The following KCNMB2 variants were observed in gnomAD, a reference collection of about 807,000 sequenced individuals.
KCNMB2 encodes the protein calcium-activated potassium channel subunit beta-2.
Under a neutral mutation model 24.5 loss-of-function variants are expected in KCNMB2, and 9 were observed. The ratio of observed to expected loss-of-function variants is 0.37; its 90% CI spans 0.22 to 0.64. The LOEUF (loss-of-function observed/expected upper bound fraction) is 0.64, where lower values mean the gene tolerates loss of function less well. Ranked by LOEUF, KCNMB2 falls within the 30% of genes least tolerant of loss-of-function variation. The probability of loss-of-function intolerance (pLI) is 0.63; values close to 1 mark genes in which losing one functional copy is unlikely to be tolerated. For missense variants in KCNMB2, 226 were observed against 284.3 expected (o/e 0.79, Z 1.47); for synonymous variants, 109 against 104.4 (o/e 1.04, Z -0.27).
intron 2 of KCNMB2, among the ~76,000 whole-genome samples, chr3:178,808,445 A>T (rs1468894256): frequency 2.0e-5 from 3 of 152,210 alleles, no homozygotes; most frequent in African/African-American, 7.2e-5. Context: ...AATAAAAATT[A>T]AAAACTACAA....
At chr3:178,621,933 G>A (rs1366086684) in intron 1 of KCNMB2, among the ~76,000 whole-genome samples, 1 of 152,182 alleles carries the variant, frequency 6.6e-6, no homozygotes, top group Non-Finnish European at 1.5e-5. Flanking sequence ...AGAATCTAGA[G>A]ACAGACTAAT....
chr3:178,636,159 C>G lies in KCNMB2; in HGVS notation c.-68+99448C>G, dbSNP rs544646694. Among the ~76,000 whole-genome samples, 114 of 152,274 alleles carry G rather than the reference C, an allele frequency of 7.5e-4. 1 individual carries two copies. Among genetic ancestry groups the G allele is most frequent in the African/African-American group, 2.0e-3 (84 of 41,566 alleles). On this transcript the variant is annotated intron_variant, in intron 1 of 4. Coordinates refer to ENST00000452583, the MANE Select transcript of KCNMB2 (RefSeq NM_181361.3). ...AGTGTTTGGTTTCTTCCAAATTTTCCAAACCCAGCCCAGGGACTTACAGAA... is the reference window on the plus strand; with the variant it reads ...AGTGTTTGGTTTCTTCCAAATTTTCGAAACCCAGCCCAGGGACTTACAGAA...
chr3:178,684,451 G>A (rs1281706068), intron 1 of KCNMB2, among the ~76,000 whole-genome samples: 3 of 152,068 alleles, frequency 2.0e-5, no homozygotes, highest in African/African-American at 7.2e-5. Context: ...GGTAATATAG[G>A]TATGGGATTT....
chr3:178,575,202 C>T (rs1326553916), intron 1 of KCNMB2, among the ~76,000 whole-genome samples: 5 of 151,922 alleles, frequency 3.3e-5, no homozygotes, highest in African/African-American at 4.8e-5. Flanking sequence ...AAATATCTAA[C>T]GAGAATGGGA....
chr3:178,684,391 T>C (rs1276291008), intron 1 of KCNMB2, among the ~76,000 whole-genome samples: 5 of 151,360 alleles, frequency 3.3e-5, no homozygotes, highest in Admixed American at 1.3e-4. Context: ...AAATAGCACA[T>C]ATGCAGGATG....
intron 1 of KCNMB2, among the ~76,000 whole-genome samples, chr3:178,782,217 T>C (rs543044555): frequency 4.7e-4 from 56 of 118,544 alleles, no homozygotes; most frequent in African/African-American, 1.7e-3. Context: ...TGGTTCCAAG[T>C]CTTTGCTATT....
intron 1 of KCNMB2, among the ~76,000 whole-genome samples, chr3:178,549,226 ACT>A (rs1715865747): frequency 1.3e-5 from 2 of 151,900 alleles, no homozygotes; most frequent in Admixed American, 1.3e-4. Context: ...AATTAGAGAG[ACT>A]CTGAAATAGA....
chr3:178,828,025 C>A (rs1714900429), intron 3 of KCNMB2, among the ~76,000 whole-genome samples, 153 bp from the exon 4 acceptor site: 1 of 152,150 alleles, frequency 6.6e-6, no homozygotes. Flanking sequence ...TAAAGCTGTT[C>A]TATTCGAAGG....
chr3:178,735,052 C>T (rs113193230), intron 1 of KCNMB2, among the ~76,000 whole-genome samples: 27 of 152,364 alleles, frequency 1.8e-4, no homozygotes, highest in African/African-American at 6.3e-4. Flanking sequence ...TTCTTAGCAG[C>T]TCTCCTGCCC....
At chr3:178,758,456 T>G (rs1202540853) in intron 1 of KCNMB2, among the ~76,000 whole-genome samples, 4 of 48,972 alleles carry the variant, frequency 8.2e-5, no homozygotes, top group African/African-American at 1.7e-4. Flanking sequence ...ACACAAGAGG[T>G]GATATATATA....
chr3:178,636,028 C>A lies in KCNMB2; in HGVS notation c.-68+99317C>A, dbSNP rs116368396. 8.7e-3 allele frequency among the ~76,000 whole-genome samples: 1,326 copies of A among 152,248 alleles called. 18 individuals are homozygous for A. Among genetic ancestry groups the A allele is most frequent in the African/African-American group, 0.031 (1,275 of 41,542 alleles). On this transcript the variant is annotated intron_variant, in intron 1 of 4. Coordinates refer to ENST00000452583, the MANE Select transcript of KCNMB2 (RefSeq NM_181361.3). ...TTATGTATGGTTTGAGCATTTTTCC[C>A]AAGCTAAAGTAATTTTGAACTTTGA...
intron 4 of KCNMB2, among the ~76,000 whole-genome samples, chr3:178,832,260 T>C (rs1385035908): frequency 6.6e-6 from 1 of 152,170 alleles, no homozygotes; most frequent in Non-Finnish European, 1.5e-5. Context: ...TGGCTATTTT[T>C]TTTCCATTGT....
intron 1 of KCNMB2, 87 bp from the exon 2 acceptor site, chr3:178,807,256 C>A (rs1411186012): frequency 1.8e-6 from 1 of 557,066 alleles, no homozygotes; most frequent in Non-Finnish European, 3.2e-6. Context: ...ACCACTGCCC[C>A]TATGGAATCA....
chr3:178,624,613 TA>T (rs1418548649), intron 1 of KCNMB2, among the ~76,000 whole-genome samples: 21 of 148,490 alleles, frequency 1.4e-4, no homozygotes, highest in Middle Eastern at 3.6e-3. Flanking sequence ...TTTTTTTTTT[TA>T]AAAAAGGCAT....
At chr3:178,654,272 T>C (rs1720240300) in intron 1 of KCNMB2, among the ~76,000 whole-genome samples, 1 of 152,192 alleles carries the variant, frequency 6.6e-6, no homozygotes, top group Non-Finnish European at 1.5e-5. Context: ...TGTTTGTCTT[T>C]TCAACGAAGG....
At chr3:178,702,932 T>C (rs902789329) in intron 1 of KCNMB2, among the ~76,000 whole-genome samples, 2 of 152,158 alleles carry the variant, frequency 1.3e-5, no homozygotes, top group African/African-American at 4.8e-5. Flanking sequence ...ATCATGTATA[T>C]AGTAATGGGC....
intron 1 of KCNMB2, among the ~76,000 whole-genome samples, chr3:178,626,901 GTATA>G (rs1397386086): frequency 6.7e-6 from 1 of 148,260 alleles, no homozygotes; most frequent in Non-Finnish European, 1.5e-5. Context: ...TATATAGTAA[GTATA>G]TATATAAGTA....
intron 1 of KCNMB2, among the ~76,000 whole-genome samples, chr3:178,669,488 T>C (rs972590084): frequency 2.6e-5 from 4 of 151,980 alleles, no homozygotes; most frequent in East Asian, 3.9e-4. Context: ...GCAGTGAACA[T>C]GTAGGGGTGG....
intron 1 of KCNMB2, among the ~76,000 whole-genome samples, chr3:178,695,740 A>C (rs183384731): frequency 6.6e-6 from 1 of 152,194 alleles, no homozygotes; most frequent in East Asian, 1.9e-4. Context: ...AAAGCCATTC[A>C]ATAAGTCTCT....
Sources: allele counts gnomAD v4.1 joint callset (sites outside exome capture counted in the v4.1 genomes callset), GRCh38; gene constraint gnomAD v4.1.1; transcripts MANE v1.5; gene names NCBI Gene and HGNC (gene_info 2026-07-23, HGNC 2026-07-21).